EYS: variants seen among roughly 807,000 people sequenced by gnomAD.
The protein encoded by EYS is protein eyes shut homolog.
A neutral mutation model predicts 282.1 loss-of-function variants in EYS; 250 were observed. The observed-to-expected ratio is 0.89, with a 90% CI of 0.80 to 0.98. The LOEUF (loss-of-function observed/expected upper bound fraction) is 0.98. Among genes scored for constraint, EYS ranks in the 50% least tolerant of loss-of-function variants. EYS has a pLI of 0.00. For synonymous variants in EYS, 1,355 were observed against 1,282.9 expected (o/e 1.06, Z -1.20); for missense variants, 4,016 against 3,709.0 (o/e 1.08, Z -2.15).
Position 65,057,718 on chromosome 6 carries a change from CATT to C in EYS, c.2030_2032del (p.Gln677_Cys678delinsArg). On this transcript the variant is annotated inframe_deletion, in exon 13 of 43. Coordinates refer to ENST00000503581, the MANE Select transcript of EYS (RefSeq NM_001142800.2). ...AGCACACTCATCTATATCAATTTCA[CATT>C]GCGTACCTTTGGAAAATAGGAAAAA... is the stretch of plus-strand genomic sequence containing the variant. 1 of 1,545,472 alleles carries C rather than the reference CATT, an allele frequency of 6.5e-7. No homozygotes were observed. Among genetic ancestry groups the C allele is most frequent in the Non-Finnish European group, 8.8e-7 (1 of 1,141,924 alleles).
At chr6:65,360,085 TA>T (rs1764641632) in intron 8 of EYS, among the ~76,000 whole-genome samples, 1 of 151,998 alleles carries the variant, frequency 6.6e-6, no homozygotes, top group African/African-American at 2.4e-5. Context: ...CTATTATTGT[TA>T]AAAATTGGAA....
At chr6:63,965,360 T>C (rs1052211452) in intron 35 of EYS, among the ~76,000 whole-genome samples, 2 of 152,188 alleles carry the variant, frequency 1.3e-5, no homozygotes, top group South Asian at 2.1e-4. Flanking sequence ...CAACCTAAGA[T>C]TTTCTGCCCC....
chr6:65,671,058 G>A (rs181586423), intron 1 of EYS, among the ~76,000 whole-genome samples: 51 of 152,066 alleles, frequency 3.4e-4, no homozygotes, highest in African/African-American at 1.2e-3. Context: ...TGTAGTAATT[G>A]AATACTTAAA....
chr6:65,045,975 C>A (rs545575963), intron 13 of EYS, among the ~76,000 whole-genome samples: 62 of 151,994 alleles, frequency 4.1e-4, no homozygotes, highest in African/African-American at 1.2e-3. Flanking sequence ...CTTATTGCTT[C>A]ATTAAAACCT....
At chr6:63,881,448 G>A (rs141530147) in intron 35 of EYS, among the ~76,000 whole-genome samples, 23 of 152,234 alleles carry the variant, frequency 1.5e-4, no homozygotes, top group East Asian at 7.7e-4. Flanking sequence ...AGCAAGAATC[G>A]TTTGAAGTTT....
intron 36 of EYS, among the ~76,000 whole-genome samples, chr6:63,853,559 C>A (rs1278874046): frequency 1.3e-5 from 2 of 152,102 alleles, no homozygotes; most frequent in Non-Finnish European, 2.9e-5. Flanking sequence ...CCATACTGCC[C>A]AAAGTAATTT....
chr6:64,736,714 G>C (rs927481782), intron 22 of EYS, among the ~76,000 whole-genome samples: 3 of 152,154 alleles, frequency 2.0e-5, no homozygotes, highest in Non-Finnish European at 4.4e-5. Context: ...TTTTGAATTA[G>C]CAGTGTTTAT....
At chr6:65,214,588 G>A (rs1766264986) in intron 12 of EYS, among the ~76,000 whole-genome samples, 1 of 152,202 alleles carries the variant, frequency 6.6e-6, no homozygotes, top group African/African-American at 2.4e-5. Flanking sequence ...GTTGTGACAA[G>A]CTATCCAGGA....
chr6:65,410,292 T>C (rs1003308645), intron 5 of EYS, among the ~76,000 whole-genome samples: 3 of 152,090 alleles, frequency 2.0e-5, no homozygotes, highest in African/African-American at 2.4e-5. Context: ...TACATATTTA[T>C]TGAGTATAAT....
chr6:64,859,205 A>T lies in EYS; in HGVS notation c.2992+27492T>A, dbSNP rs891593481. Among the ~76,000 whole-genome samples the T allele has an allele frequency of 1.1e-4, 17 of 148,626 alleles. 1 individual carries two copies. The highest frequency in any genetic ancestry group is 5.4e-4 in the Admixed American group (8 of 14,834). On this transcript the variant is annotated intron_variant, in intron 19 of 42. Coordinates refer to ENST00000503581, the MANE Select transcript of EYS (RefSeq NM_001142800.2). ...CTAATAACTACCCAAAATAATATTT[A>T]AAAATATTTATATCTAATATATTTA...
chr6:63,773,824 A>G (rs1184196007), intron 40 of EYS, among the ~76,000 whole-genome samples: 2 of 152,144 alleles, frequency 1.3e-5, no homozygotes, highest in Admixed American at 1.3e-4. Flanking sequence ...ACTTTGGCAG[A>G]CCTTAGAGAA....
intron 2 of EYS, among the ~76,000 whole-genome samples, chr6:65,575,783 T>C (rs552108738): frequency 1.3e-5 from 2 of 151,990 alleles, no homozygotes; most frequent in South Asian, 4.1e-4. Flanking sequence ...AACACAGAAA[T>C]ATAAAGGATC....
intron 37 of EYS, among the ~76,000 whole-genome samples, chr6:63,792,312 T>C (rs1256326083): frequency 1.3e-5 from 2 of 151,938 alleles, no homozygotes; most frequent in Non-Finnish European, 2.9e-5. Context: ...CTCCTTCAAC[T>C]CTAGATCTTC....
At chr6:64,531,088 T>C (rs918938459) in intron 26 of EYS, among the ~76,000 whole-genome samples, 1 of 152,132 alleles carries the variant, frequency 6.6e-6, no homozygotes, top group Admixed American at 6.5e-5. Context: ...TTACCTAAAG[T>C]AGTCAAGAAA....
At chr6:64,535,775 C>T (rs547663368) in intron 26 of EYS, among the ~76,000 whole-genome samples, 3 of 151,894 alleles carry the variant, frequency 2.0e-5, no homozygotes, top group Non-Finnish European at 4.4e-5. Context: ...CAATTAAATT[C>T]ATTAAAACAT....
intron 22 of EYS, among the ~76,000 whole-genome samples, chr6:64,736,202 C>G (rs879880279): frequency 3.9e-5 from 6 of 152,100 alleles, no homozygotes; most frequent in Admixed American, 3.3e-4. Flanking sequence ...TGAATTTATT[C>G]TTTCCATTCC....
intron 1 of EYS, among the ~76,000 whole-genome samples, chr6:65,645,092 C>CT (rs34330296): frequency 0.061 from 9,220 of 152,076 alleles, 431 homozygotes; most frequent in East Asian, 0.18. Flanking sequence ...AATATAGGGA[C>CT]TTTAGCACTC....
chr6:64,964,047 A>G (rs1337875855), intron 14 of EYS, among the ~76,000 whole-genome samples: 4 of 152,000 alleles, frequency 2.6e-5, no homozygotes, highest in Admixed American at 6.5e-5. Context: ...ATTTTATAAA[A>G]CCTTACATCT....
At chr6:64,024,207 G>C (rs916358472) in intron 33 of EYS, among the ~76,000 whole-genome samples, 1 of 152,234 alleles carries the variant, frequency 6.6e-6, no homozygotes, top group Admixed American at 6.5e-5. Flanking sequence ...CCTGAGTCTG[G>C]TGGGGACTTG....
Sources: gnomAD v4.1 joint callset for allele counts (sites outside exome capture counted in the v4.1 genomes callset) on GRCh38, gnomAD v4.1.1 for gene constraint, MANE v1.5 for transcripts, NCBI Gene and HGNC (gene_info 2026-07-23, HGNC 2026-07-21) for gene names.